H2BK1: variants seen among roughly 807,000 people sequenced by gnomAD.
H2BK1 encodes the protein H2B.K variant histone 1.
the H2BK1 span, chr7:151,207,983 A>G: frequency 2.0e-6 from 3 of 1,490,752 alleles, no homozygotes; most frequent in East Asian, 4.5e-5. Flanking sequence ...TCGGGATGTC[A>G]GGGTGGTCCG....
chr7:151,208,998 C>T, the H2BK1 span, among the ~76,000 whole-genome samples: 2 of 147,020 alleles, frequency 1.4e-5, no homozygotes, highest in African/African-American at 5.0e-5. Flanking sequence ...CTGGTCTCCA[C>T]TGCCAGCAGC....
At chr7:151,207,939 C>T in the H2BK1 span, 7 of 1,280,276 alleles carry the variant, frequency 5.5e-6, no homozygotes, top group African/African-American at 2.9e-5. Context: ...GCCAGCTCCC[C>T]AGGCAGCAGC....
At chr7:151,208,425 G>T in the H2BK1 span, among the ~76,000 whole-genome samples, 2 of 152,226 alleles carry the variant, frequency 1.3e-5, no homozygotes, top group African/African-American at 4.8e-5. Context: ...GCATCTTGCT[G>T]GTTTCACTGA....
At chr7:151,208,478 C>G in the H2BK1 span, among the ~76,000 whole-genome samples, 1 of 152,208 alleles carries the variant, frequency 6.6e-6, no homozygotes, top group Non-Finnish European at 1.5e-5. Context: ...ATCATACTTC[C>G]TAACACCATT....
At chr7:151,209,588 G>A in the H2BK1 span, among the ~76,000 whole-genome samples, 1 of 152,186 alleles carries the variant, frequency 6.6e-6, no homozygotes, top group East Asian at 1.9e-4. Context: ...GGCACCTGCA[G>A]CCCCAGTGTG....
chr7:151,208,694 G>A, the H2BK1 span, among the ~76,000 whole-genome samples: 40 of 152,222 alleles, frequency 2.6e-4, no homozygotes, highest in Admixed American at 1.8e-3. Flanking sequence ...TGACACAGTC[G>A]CAGCCCCGGA....
chr7:151,208,590 G>A, the H2BK1 span, among the ~76,000 whole-genome samples: 2 of 152,186 alleles, frequency 1.3e-5, no homozygotes, highest in Non-Finnish European at 2.9e-5. Context: ...TCTTGTGCGA[G>A]CATAGGGAAG....
chr7:151,208,458 G>A, the H2BK1 span, among the ~76,000 whole-genome samples: 1 of 152,230 alleles, frequency 6.6e-6, no homozygotes, highest in Non-Finnish European at 1.5e-5. Context: ...GTGTTCCACG[G>A]TATGGATGTA....
the H2BK1 span, among the ~76,000 whole-genome samples, chr7:151,208,961 C>G: frequency 6.6e-6 from 1 of 151,164 alleles, no homozygotes; most frequent in Non-Finnish European, 1.5e-5. Flanking sequence ...CCAGGAGGCT[C>G]TGTCCCACCC....
At chr7:151,210,009 G>T in the H2BK1 span, among the ~76,000 whole-genome samples, 7 of 152,204 alleles carry the variant, frequency 4.6e-5, no homozygotes, top group Non-Finnish European at 1.0e-4. Flanking sequence ...CGGTGCCCAA[G>T]ATCCTGAGAG....
At chr7:151,207,866 C>T in the H2BK1 span, 2 of 923,866 alleles carry the variant, frequency 2.2e-6, no homozygotes, top group Non-Finnish European at 1.8e-6. Flanking sequence ...TTGTCAGGCC[C>T]TGGGTCACTT....
chr7:151,207,849 T>C, the H2BK1 span: 1 of 841,004 alleles, frequency 1.2e-6, no homozygotes, highest in Non-Finnish European at 2.1e-6. Context: ...CAGTTCACCC[T>C]TTATTTTTGT....
At chr7:151,208,883 A>G in the H2BK1 span, among the ~76,000 whole-genome samples, 1 of 152,202 alleles carries the variant, frequency 6.6e-6, no homozygotes, top group Non-Finnish European at 1.5e-5. Context: ...ACCTGGTCAG[A>G]TGTGAAGTGG....
chr7:151,208,152 G>A, the H2BK1 span: 3 of 1,586,874 alleles, frequency 1.9e-6, no homozygotes, highest in Non-Finnish European at 2.6e-6. Context: ...GGGGCCAGGG[G>A]AGGGGGGGTC....
At chr7:151,207,905 G>T in the H2BK1 span, 1 of 1,099,362 alleles carries the variant, frequency 9.1e-7, no homozygotes, top group African/African-American at 1.5e-5. Context: ...GACAGCCTTG[G>T]TGCCCTCAGA....
At chr7:151,209,333 C>T in the H2BK1 span, among the ~76,000 whole-genome samples, 8 of 151,484 alleles carry the variant, frequency 5.3e-5, no homozygotes, top group Admixed American at 3.9e-4. Context: ...TTCCCAGGCA[C>T]CCAGGTTGTC....
At chr7:151,209,281 A>C in the H2BK1 span, among the ~76,000 whole-genome samples, 9 of 151,924 alleles carry the variant, frequency 5.9e-5, no homozygotes, top group Admixed American at 1.3e-4. Context: ...CAGCCAACCC[A>C]TATCAGTGCT....
At chr7:151,208,588 G>A in the H2BK1 span, among the ~76,000 whole-genome samples, 2 of 152,142 alleles carry the variant, frequency 1.3e-5, no homozygotes, top group African/African-American at 4.8e-5. Context: ...AATCTTGTGC[G>A]AGCATAGGGA....
At chr7:151,208,722 T>G in the H2BK1 span, among the ~76,000 whole-genome samples, 1 of 152,170 alleles carries the variant, frequency 6.6e-6, no homozygotes, top group African/African-American at 2.4e-5. Context: ...AGGAGTCCTG[T>G]TCTGCAGCTG....
Sources: allele counts gnomAD v4.1 joint callset (sites outside exome capture counted in the v4.1 genomes callset), GRCh38; gene constraint gnomAD v4.1.1; transcripts MANE v1.5; gene names NCBI Gene and HGNC (gene_info 2026-07-23, HGNC 2026-07-21).